The following NAALADL2 variants were observed in gnomAD, a reference collection of about 807,000 sequenced individuals.
NAALADL2 encodes inactive N-acetylated-alpha-linked acidic dipeptidase-like protein 2.
A neutral mutation model predicts 87.2 loss-of-function variants in NAALADL2; 76 were observed. The observed-to-expected ratio is 0.87, with a 90% CI of 0.72 to 1.05. NAALADL2 has a LOEUF of 1.05. Ranked by LOEUF, NAALADL2 falls within the 50% of genes least tolerant of loss-of-function variation. The probability of loss-of-function intolerance (pLI) is 0.00; values close to 1 mark genes in which losing one functional copy is unlikely to be tolerated. For synonymous variants in NAALADL2, 354 were observed against 331.0 expected (o/e 1.07, Z -0.75); for missense variants, 1,089 against 945.8 (o/e 1.15, Z -1.99).
chr3:175,428,229 G>A (rs1717149718), intron 5 of NAALADL2, among the ~76,000 whole-genome samples: 1 of 152,200 alleles, frequency 6.6e-6, no homozygotes, highest in African/African-American at 2.4e-5. Context: ...CTGTACAGTA[G>A]TGTTCACTAC....
chr3:175,413,537 T>C (rs2149097901), intron 5 of NAALADL2, among the ~76,000 whole-genome samples: 1 of 129,760 alleles, frequency 7.7e-6, no homozygotes. Context: ...GCCAAAGCAC[T>C]CCAGCCTGGG....
chr3:175,451,349 T>C (rs1721546478), intron 6 of NAALADL2, among the ~76,000 whole-genome samples: 1 of 152,052 alleles, frequency 6.6e-6, no homozygotes, highest in African/African-American at 2.4e-5. Flanking sequence ...GTATAAGGAA[T>C]GGAAAAAGAA....
chr3:175,290,194 T>A (rs534821654), intron 4 of NAALADL2, among the ~76,000 whole-genome samples: 3 of 152,224 alleles, frequency 2.0e-5, no homozygotes, highest in Non-Finnish European at 4.4e-5. Context: ...TTTCTAGTCC[T>A]GGGTTTTTAT....
intron 5 of NAALADL2, among the ~76,000 whole-genome samples, chr3:175,347,403 C>G (rs1763271594): frequency 6.6e-6 from 1 of 152,116 alleles, no homozygotes; most frequent in Admixed American, 6.6e-5. Context: ...TATACTGGGT[C>G]TACCCCATAA....
At chr3:174,889,408 C>CTGGCTTT (rs2109780109) in intron 1 of NAALADL2, among the ~76,000 whole-genome samples, 1 of 152,172 alleles carries the variant, frequency 6.6e-6, no homozygotes, top group South Asian at 2.1e-4. Context: ...GGATTTACAC[C>CTGGCTTT]TGGCTTTTTG....
chr3:175,463,724 G>GAGAGAGAC lies in NAALADL2; in HGVS notation c.1327+238_1327+239insCAGAGAGA, dbSNP rs1553901944. Among the ~76,000 whole-genome samples, 573 of 148,236 alleles carry GAGAGAGAC rather than the reference G, an allele frequency of 3.9e-3. 2 individuals carry two copies. The highest frequency in any genetic ancestry group is 0.013 in the African/African-American group (520 of 38,640). On this transcript the variant is annotated intron_variant, in intron 7 of 13. Transcript: ENST00000454872. ...GGGGAGAGAGAGAGAGAGAGAGAGA[G>GAGAGAGAC]AGAGAGAGAGAGGTGGGGATCTCTC...
intron 5 of NAALADL2, among the ~76,000 whole-genome samples, chr3:175,426,960 C>G (rs559170830): frequency 6.6e-6 from 1 of 152,230 alleles, no homozygotes; most frequent in East Asian, 1.9e-4. Flanking sequence ...CCTGAGCAAC[C>G]TCATGATGAC....
At chr3:175,166,365 CCATT>C (rs1734009076) in intron 2 of NAALADL2, among the ~76,000 whole-genome samples, 1 of 151,972 alleles carries the variant, frequency 6.6e-6, no homozygotes, top group Non-Finnish European at 1.5e-5. Context: ...CCATTTCTTC[CCATT>C]CATTCTTTGC....
At chr3:175,399,488 T>C (rs1162969788) in intron 5 of NAALADL2, among the ~76,000 whole-genome samples, 1 of 152,150 alleles carries the variant, frequency 6.6e-6, no homozygotes, top group Non-Finnish European at 1.5e-5. Context: ...TATTTCTTGA[T>C]GATATGCTAA....
chr3:175,736,443 C>T (rs1281957010), intron 11 of NAALADL2, among the ~76,000 whole-genome samples: 1 of 151,938 alleles, frequency 6.6e-6, no homozygotes. Flanking sequence ...TTATTGGAAG[C>T]CAAATGTGAA....
chr3:174,446,835 GA>G (rs1315679592), intron 1 of NAALADL2, among the ~76,000 whole-genome samples: 1 of 152,126 alleles, frequency 6.6e-6, no homozygotes. Context: ...AAGCCAGCTT[GA>G]AATTTTTGAT....
At chr3:174,544,848 T>C (rs9856609) in intron 1 of NAALADL2, among the ~76,000 whole-genome samples, 2,898 of 152,086 alleles carry the variant, frequency 0.019, 93 homozygotes, top group African/African-American at 0.066. Context: ...GGATTACAGA[T>C]GTGAGCCACC....
chr3:175,534,414 G>A (rs1414905434), intron 9 of NAALADL2, among the ~76,000 whole-genome samples: 2 of 152,190 alleles, frequency 1.3e-5, no homozygotes, highest in Non-Finnish European at 2.9e-5. Context: ...AAGGCAGGAA[G>A]CATCTAGCAT....
intron 5 of NAALADL2, among the ~76,000 whole-genome samples, chr3:175,366,424 A>G (rs1044241521): frequency 1.1e-4 from 17 of 151,796 alleles, no homozygotes; most frequent in African/African-American, 2.2e-4. Context: ...GATCCCTGAG[A>G]AATCGCCACA....
intron 2 of NAALADL2, among the ~76,000 whole-genome samples, chr3:175,182,311 G>A (rs10212565): frequency 0.73 from 109,730 of 151,314 alleles, 40,418 homozygotes; most frequent in Non-Finnish European, 0.8. Flanking sequence ...TTTACCAAAT[G>A]TATGGCTTGA....
At chr3:175,747,181 C>T (rs1009697149) in intron 12 of NAALADL2, among the ~76,000 whole-genome samples, 2 of 152,130 alleles carry the variant, frequency 1.3e-5, no homozygotes, top group African/African-American at 4.8e-5. Context: ...CACCTAATGT[C>T]CCTTAATTAT....
rs1716919730 is a variant in NAALADL2 at position 174,787,601 on chromosome 3, A to ATATATATACATATATATATATATACAC, written c.-9+49863_-9+49864insCATATATATATATATACACTATATATA. Among the ~76,000 whole-genome samples, 2 of 91,206 alleles carry ATATATATACATATATATATATATACAC rather than the reference A, an allele frequency of 2.2e-5. 1 individual carries two copies. The highest frequency in any genetic ancestry group is 7.7e-5 in the African/African-American group (2 of 25,970). 59.8% of individuals were successfully genotyped at this position (91,206 alleles called of 152,430 possible). A position where few individuals can be genotyped will look rare whatever the true frequency, so the allele number is the denominator to read the frequency against. ...CATATATATATATATATATATATAT[A>ATATATATACATATATATATATATACAC]TATATATATATATATATATAGTAGT... On this transcript the variant is annotated intron_variant, in intron 3 of 3. Coordinates refer to the NAALADL2 transcript ENST00000434257.
intron 3 of NAALADL2, among the ~76,000 whole-genome samples, chr3:175,250,188 A>G (rs1219732736): frequency 6.7e-6 from 1 of 148,228 alleles, no homozygotes; most frequent in Non-Finnish European, 1.5e-5. Context: ...AAAAAAAAAG[A>G]GCGATTAGTA....
intron 3 of NAALADL2, among the ~76,000 whole-genome samples, chr3:174,776,621 T>C (rs1715241455): frequency 1.3e-5 from 2 of 152,172 alleles, no homozygotes; most frequent in Admixed American, 6.6e-5. Context: ...ATTTGGGAAC[T>C]TGTAATGATA....
Sources: allele counts gnomAD v4.1 joint callset (sites outside exome capture counted in the v4.1 genomes callset), GRCh38; gene constraint gnomAD v4.1.1; transcripts MANE v1.5; gene names NCBI Gene and HGNC (gene_info 2026-07-23, HGNC 2026-07-21).